YIF1B: variants seen among roughly 807,000 people sequenced by gnomAD.
The protein encoded by YIF1B is protein YIF1B.
A neutral mutation model predicts 34.6 loss-of-function variants in YIF1B; 24 were observed. The ratio of observed to expected loss-of-function variants is 0.69; its 90% CI spans 0.50 to 0.98. The LOEUF is 0.98. Among genes scored for constraint, YIF1B ranks in the 50% least tolerant of loss-of-function variants. The probability of loss-of-function intolerance (pLI) is 0.00; values close to 1 mark genes in which losing one functional copy is unlikely to be tolerated. For synonymous variants in YIF1B, 186 were observed against 184.8 expected, an observed-to-expected ratio of 1.01 and a Z score of -0.05; for missense variants, 368 against 429.4, an observed-to-expected ratio of 0.86 and a Z score of 1.26.
chr19:38,305,362 A>C lies in YIF1B; in HGVS notation c.935T>G (p.Leu312Arg). ...GTTCAGCGGGCGCGCTCACCGCACC[A>C]GGTGGAAGGTGAGCCAGTACATGAG... is the stretch of plus-strand genomic sequence containing the variant. ...PMLMYWLTFHLVR is the reference protein window; with the variant it reads ...PMLMYWLTFHRVR Residue 312 changes from leucine to arginine, a missense_variant, in exon 8 of 8, where the codon CTG (leucine) becomes CGG (arginine). Around this residue, in one of 3 missense-constraint regions of YIF1B, gnomAD observed 208 missense variants for 247.8 expected, o/e 0.84. Coordinates refer to ENST00000339413, the MANE Select transcript of YIF1B (RefSeq NM_001039672.3). The C allele has an allele frequency of 6.2e-7, 1 of 1,602,428 alleles. No homozygotes were observed. The highest frequency in any genetic ancestry group is 8.5e-7 in the Non-Finnish European group (1 of 1,172,044).
At chr19:38,320,136 C>T (rs1227687350), upstream of YIF1B, 5 of 1,591,310 alleles carry the variant, frequency 3.1e-6, no homozygotes, top group Non-Finnish European at 4.3e-6. Context: ...TGGACGCCTT[C>T]GTGGAGCGAG....
At chr19:38,314,352 G>A (rs1198404813) in intron 1 of YIF1B, among the ~76,000 whole-genome samples, 2 of 151,798 alleles carry the variant, frequency 1.3e-5, no homozygotes, top group African/African-American at 2.4e-5. Context: ...ACACCACCAC[G>A]CCCAGCTAAA....
chr19:38,315,977 C>T (rs1001638878), upstream of YIF1B: 58 of 1,369,656 alleles, frequency 4.2e-5, no homozygotes, highest in Non-Finnish European at 5.3e-5. Flanking sequence ...CCCGTACCCA[C>T]GCCCCGCCGG....
rs1252649450 is a variant in YIF1B at position 38,305,155 on chromosome 19, C to T, written c.*197G>A. The T allele has an allele frequency of 2.9e-6, 4 of 1,392,988 alleles. No individual in the cohort carries two copies. Among genetic ancestry groups the T allele is most frequent in the African/African-American group, 1.5e-5 (1 of 68,632 alleles). The allele number at this position is 1,392,988 out of a possible 1,614,324, so 86.3% of individuals were successfully genotyped here. A position where few individuals can be genotyped will look rare whatever the true frequency, so the allele number is the denominator to read the frequency against. ...TTTATTGTTTCTGTAACAGCGGCCA[C>T]GCCCTGGGGCGGTGGCCTGTGCAGC... On this transcript the variant is annotated 3_prime_UTR_variant, in exon 8 of 8. Coordinates refer to ENST00000339413, the MANE Select transcript of YIF1B (RefSeq NM_001039672.3).
Position 38,304,280 on chromosome 19 carries a change from GC to G in YIF1B, c.*1071del. 1 of 1,613,770 alleles carries G rather than the reference GC, an allele frequency of 6.2e-7. No individual in the cohort carries two copies. Among genetic ancestry groups the G allele is most frequent in the Non-Finnish European group, 8.5e-7 (1 of 1,180,036 alleles). ...TACCGCCATGGAGTTCGACCTGGGA[GC>G]AGGTGAGCTCCTGGGGAGTGTGGAC... On this transcript the variant is annotated 3_prime_UTR_variant, in exon 8 of 8. Transcript: ENST00000339413.
At position 38,307,447 on chromosome 19, in the gene YIF1B, A is replaced by G; in HGVS notation, c.770T>C (p.Val257Ala). 1.2e-6 allele frequency: 2 copies of G among 1,613,690 alleles called. No homozygotes were observed. The highest frequency in any genetic ancestry group is 1.7e-6 in the Non-Finnish European group (2 of 1,179,926). The part of the protein sequence containing the change: ...GYYLVLGWCC[V>A]AIFVFMIRTL... ...GCTCACCATGAACACAAAGATGGCT[A>G]CGCAGCACCAGCCCAGCACCAGGTA... The change falls in exon 7 of 8, where the codon GTA becomes GCA. Residue 257 changes from valine (V) to alanine (A), a missense_variant. Val to Ala is a moderately conservative substitution (Grantham distance 64). Around this residue, in one of 3 missense-constraint regions of YIF1B, gnomAD observed 208 missense variants for 247.8 expected, o/e 0.84. Coordinates refer to ENST00000339413, the MANE Select transcript of YIF1B (RefSeq NM_001039672.3).
chr19:38,305,259 G>C lies in YIF1B; in HGVS notation c.*93C>G. Reference sequence around the variant, plus strand: ...GGAGGCGGTGCCTGTGGCCAGACAGGGTGGACCTTGGGGCCTGCAGGCAGG... The same window carrying C: ...GGAGGCGGTGCCTGTGGCCAGACAGCGTGGACCTTGGGGCCTGCAGGCAGG... On this transcript the variant is annotated 3_prime_UTR_variant, in exon 8 of 8. Transcript: ENST00000339413. The C allele has an allele frequency of 6.6e-7, 1 of 1,510,594 alleles. No homozygotes were observed. The highest frequency in any genetic ancestry group is 8.9e-7 in the Non-Finnish European group (1 of 1,128,214). The allele number at this position is 1,510,594 out of a possible 1,614,324, so 93.6% of individuals were successfully genotyped here. A position where few individuals can be genotyped will look rare whatever the true frequency, so the allele number is the denominator to read the frequency against.
At chr19:38,314,630 T>A (rs1969467951) in intron 1 of YIF1B, among the ~76,000 whole-genome samples, 1 of 143,606 alleles carries the variant, frequency 7.0e-6, no homozygotes. Context: ...TTTTTTTTTT[T>A]TTTTTTTTTT....
chr19:38,321,308 G>T (rs572987959), upstream of YIF1B, among the ~76,000 whole-genome samples: 1 of 152,212 alleles, frequency 6.6e-6, no homozygotes, highest in East Asian at 1.9e-4. Context: ...ATACTCCCCA[G>T]CAGGCAACTC....
At chr19:38,312,095 T>G (rs1170563226) in intron 1 of YIF1B, among the ~76,000 whole-genome samples, 1 of 141,084 alleles carries the variant, frequency 7.1e-6, no homozygotes, top group Non-Finnish European at 1.5e-5. Context: ...AGAGCGAGAC[T>G]CCATCTCAAA....
At chr19:38,319,127 C>CT (rs200642149), upstream of YIF1B, among the ~76,000 whole-genome samples, 599 of 151,750 alleles carry the variant, frequency 3.9e-3, 18 homozygotes, top group Admixed American at 0.036. Flanking sequence ...TGTCTTTTTT[C>CT]TTTTTTTTAG....
intron 1 of YIF1B, among the ~76,000 whole-genome samples, chr19:38,314,061 C>T (rs1052433716): frequency 7.2e-5 from 11 of 151,980 alleles, no homozygotes; most frequent in Middle Eastern, 3.2e-3. Flanking sequence ...TTGTTTCGCT[C>T]GTTGCCTAGG....
chr19:38,319,798 G>C, upstream of YIF1B: 2 of 785,156 alleles, frequency 2.5e-6, no homozygotes, highest in Non-Finnish European at 3.6e-6. Context: ...TTCCTCCGTC[G>C]CCGCCCCCCA....
At position 38,306,560 on chromosome 19, in the gene YIF1B, C is replaced by T. The variant is rs190074681; in HGVS notation, c.789+868G>A. The T allele has an allele frequency of 1.4e-4, 24 of 172,276 alleles. No individual in the cohort carries two copies. In the East Asian group the frequency reaches 4.5e-3, roughly 32 times the overall value. The allele number at this position is 172,276 out of a possible 1,614,324, so 10.7% of individuals were successfully genotyped here. A position where few individuals can be genotyped will look rare whatever the true frequency, so the allele number is the denominator to read the frequency against. On this transcript the variant is annotated intron_variant, in intron 7 of 7. Coordinates refer to ENST00000339413, the MANE Select transcript of YIF1B (RefSeq NM_001039672.3). ...GTCAAAGTTTATCCAAGGCTCTGCC[C>T]TGGCCCACCAGCCACCACAGTCTGC... is the stretch of plus-strand genomic sequence containing the variant.
rs777246715 is a variant in YIF1B at position 38,307,629 on chromosome 19, G to T, written c.663C>A (p.Asp221Glu). 6.2e-7 allele frequency: 1 copy of T among 1,613,880 alleles called. No individual in the cohort carries two copies. The highest frequency in any genetic ancestry group is 1.7e-5 in the Admixed American group (1 of 60,010). Residue 221 changes from aspartate to glutamate, a missense_variant, in exon 6 of 8, where the codon GAC (aspartate) becomes GAA (glutamate). Physicochemically the swap from Asp to Glu is conservative, Grantham distance 45 (BLOSUM62 2). Transcript: ENST00000339413. The part of the protein sequence containing the change: ...VTVNTDLTTI[D>E]LVAFLGYKYV... Reference sequence around the variant, plus strand: ...ATTTGTAGCCCAAGAAGGCCACCAGGTCGATGGTGGTGAGGTCGGTGTTGA... The same window carrying T: ...ATTTGTAGCCCAAGAAGGCCACCAGTTCGATGGTGGTGAGGTCGGTGTTGA...
chr19:38,315,975 C>G, upstream of YIF1B: 1 of 1,371,736 alleles, frequency 7.3e-7, no homozygotes, highest in South Asian at 1.7e-5. Context: ...CTCCCGTACC[C>G]ACGCCCCGCC....
Position 38,307,480 on chromosome 19 carries a change from A to G in YIF1B, c.737T>C (p.Ile246Thr), listed in dbSNP as rs2146299050. The G allele has an allele frequency of 1.9e-6, 3 of 1,613,906 alleles. No homozygotes were observed. Among genetic ancestry groups the G allele is most frequent in the East Asian group, 2.2e-5 (1 of 44,860 alleles). Residue 246 changes from isoleucine (I) to threonine (T), a missense_variant, in exon 7 of 8, where the codon ATT (isoleucine) becomes ACT (threonine). Transcript: ENST00000339413. Reference sequence around the variant, plus strand: ...CCAGCCCAGCACCAGGTAGTAGCCAATCTTCCCGAAGAGCAGGCCCATGAG... The same window carrying G: ...CCAGCCCAGCACCAGGTAGTAGCCAGTCTTCCCGAAGAGCAGGCCCATGAG... ...GVLMGLLFGK[I>T]GYYLVLGWCC...
chr19:38,305,039 C>G lies in YIF1B; in HGVS notation c.*313G>C. 2.6e-6 allele frequency: 4 copies of G among 1,543,240 alleles called. No homozygotes were observed. The highest frequency in any genetic ancestry group is 1.2e-5 in the South Asian group (1 of 83,242). On this transcript the variant is annotated 3_prime_UTR_variant, in exon 8 of 8. Transcript: ENST00000339413. The stretch of plus-strand genomic sequence containing the variant: ...GGTCAGCGTGGTGCCTACTCTGGCC[C>G]GTCCCCAGCTCCCTGCCCCCTGCCC...
intron 7 of YIF1B, chr19:38,306,742 T>C (rs1054057422): frequency 1.8e-5 from 5 of 280,518 alleles, no homozygotes; most frequent in African/African-American, 4.7e-5. Context: ...AGCGCAGGTG[T>C]GCGATCTCGG....
Sources: gnomAD v4.1 joint callset for allele counts (sites outside exome capture counted in the v4.1 genomes callset) on GRCh38, gnomAD v4.1.1 for gene constraint, gnomAD v4.1.1 regional missense constraint, MANE v1.5 for transcripts, NCBI Gene and HGNC (gene_info 2026-07-23, HGNC 2026-07-21) for gene names.